Variants in CSK observed in about 807,000 individuals in gnomAD.
The protein encoded by CSK is tyrosine-protein kinase CSK.
Under a neutral mutation model 62.3 loss-of-function variants are expected in CSK, and 7 were observed. That is an observed-to-expected ratio of 0.11 (90% CI 0.06 to 0.21). The LOEUF (loss-of-function observed/expected upper bound fraction) is 0.21, where lower values mean the gene tolerates loss of function less well. Among genes scored for constraint, CSK ranks in the 10% least tolerant of loss-of-function variants. CSK has a pLI of 1.00. For missense variants in CSK, 294 were observed against 613.5 expected, an observed-to-expected ratio of 0.48 and a Z score of 5.50; for synonymous variants, 237 against 246.0, an observed-to-expected ratio of 0.96 and a Z score of 0.34.
intron 1 of CSK, among the ~76,000 whole-genome samples, chr15:74,797,606 CT>C (rs2141818364): frequency 6.6e-6 from 1 of 152,288 alleles, no homozygotes; most frequent in East Asian, 1.9e-4. Context: ...TTGGTGTTTA[CT>C]GCTGTACGTA....
At chr15:74,800,328 G>A in intron 5 of CSK, 84 bp from the exon 6 acceptor site, 1 of 1,263,690 alleles carries the variant, frequency 7.9e-7, no homozygotes. Flanking sequence ...GCTGGCCTCT[G>A]CCGCCCTCTG....
At chr15:74,788,365 G>A (rs563349292) in intron 1 of CSK, among the ~76,000 whole-genome samples, 1 of 152,304 alleles carries the variant, frequency 6.6e-6, no homozygotes, top group Non-Finnish European at 1.5e-5. Flanking sequence ...ACAAGGAAAG[G>A]TGGGAAGAAA....
intron 1 of CSK, among the ~76,000 whole-genome samples, chr15:74,789,274 C>T (rs1217292785): frequency 3.9e-5 from 6 of 152,214 alleles, no homozygotes; most frequent in Non-Finnish European, 2.9e-5. Flanking sequence ...TCCTTCGTAA[C>T]CGCCCCGGGA....
rs2063441466 is a variant in CSK, at chr15:74,782,085, C to G, written c.-701C>G. ...GGCGCGCTGCCGCGGGCGGAGGATC[C>G]GGGCCGCGCTTCCTCTCGCCAGGCC... On this transcript the variant is annotated 5_prime_UTR_variant, in exon 1 of 13. Coordinates refer to ENST00000220003, the MANE Select transcript of CSK (RefSeq NM_004383.3). This position sits in a 1 kb window ranked among gnomAD's most constrained non-coding sequence, Gnocchi z 5.7. 1 of 147,706 alleles carries G rather than the reference C, an allele frequency of 6.8e-6. No individual in the cohort carries two copies. Among genetic ancestry groups the G allele is most frequent in the Non-Finnish European group, 1.5e-5 (1 of 66,040 alleles). 9.1% of individuals were successfully genotyped at this position (147,706 alleles called of 1,614,324 possible).
At chr15:74,786,217 C>T (rs2141776690) in intron 1 of CSK, among the ~76,000 whole-genome samples, 1 of 151,998 alleles carries the variant, frequency 6.6e-6, no homozygotes, top group Non-Finnish European at 1.5e-5. Context: ...GATGGGGTTT[C>T]TCCGTGTTGG....
At position 74,801,865 on chromosome 15, in the gene CSK, C is replaced by G; in HGVS notation, c.1058C>G (p.Thr353Arg). The G allele has an allele frequency of 6.2e-7, 1 of 1,613,262 alleles. No homozygotes were observed. The highest frequency in any genetic ancestry group is 8.5e-7 in the Non-Finnish European group (1 of 1,179,570). Residue 353 changes from threonine (T) to arginine (R), a missense_variant, in exon 11 of 13, where the codon ACA becomes AGA. Thr to Arg is a moderately conservative substitution (Grantham distance 71). Transcript: ENST00000220003. ...QDTGKLPVKW[T>R]APEALREKKF... ...ACGGGCAAGCTGCCAGTCAAGTGGA[C>G]AGCCCCTGAGGCCCTGAGAGAGAAG... is the stretch of plus-strand genomic sequence containing the variant.
intron 1 of CSK, among the ~76,000 whole-genome samples, chr15:74,789,798 G>A (rs1352313356): frequency 6.6e-6 from 1 of 152,134 alleles, no homozygotes; most frequent in East Asian, 1.9e-4. Context: ...GCCTTCCCGG[G>A]TGGCCCCTGT....
intron 1 of CSK, among the ~76,000 whole-genome samples, chr15:74,789,444 A>G (rs2063583098): frequency 6.6e-6 from 1 of 152,210 alleles, no homozygotes; most frequent in Non-Finnish European, 1.5e-5. Context: ...GGAATGTCAC[A>G]GTGCCTCAGC....
At chr15:74,797,761 G>A (rs896341581) in intron 1 of CSK, among the ~76,000 whole-genome samples, 2 of 151,946 alleles carry the variant, frequency 1.3e-5, no homozygotes, top group Non-Finnish European at 2.9e-5. Flanking sequence ...GTGTCCTCTC[G>A]GTGTGTACCT....
Position 74,802,056 on chromosome 15 carries a change from C to T in CSK, c.1143C>T (p.Ser381=). The T allele has an allele frequency of 6.2e-7, 1 of 1,614,104 alleles. No homozygotes were observed. The highest frequency in any genetic ancestry group is 1.1e-5 in the South Asian group (1 of 91,084). The change falls in exon 12 of 13, where the codon TCC becomes TCT. Residue 381 remains serine, a synonymous_variant. Coordinates refer to ENST00000220003, the MANE Select transcript of CSK (RefSeq NM_004383.3). ...GAATCCTTCTCTGGGAAATCTACTC[C>T]TTTGGGCGAGTGCCTTATCCAAGAA... is the stretch of plus-strand genomic sequence containing the variant. ...SFGILLWEIY[S]FGRVPYPRIP...
At chr15:74,786,013 T>TG (rs1555464576) in intron 1 of CSK, among the ~76,000 whole-genome samples, 33 of 47,844 alleles carry the variant, frequency 6.9e-4, no homozygotes, top group South Asian at 3.1e-3. Context: ...TTTTTTTTTT[T>TG]TGTGTGTGTG....
At chr15:74,783,553 A>G (rs2063470004) in intron 1 of CSK, among the ~76,000 whole-genome samples, 3 of 152,162 alleles carry the variant, frequency 2.0e-5, no homozygotes, top group Admixed American at 2.0e-4. Context: ...CCCCAGCTAT[A>G]CAGGGCTGGA....
At position 74,802,753 on chromosome 15, in the gene CSK, C is replaced by T. The variant is rs1339413387; in HGVS notation, c.*240C>T. The T allele has an allele frequency of 2.1e-6, 1 of 467,308 alleles. No individual in the cohort carries two copies. The highest frequency in any genetic ancestry group is 3.8e-5 in the East Asian group (1 of 26,538). 28.9% of individuals were successfully genotyped at this position (467,308 alleles called of 1,614,324 possible). ...CCACGGAGCGGGAGGCAGCGCCCCA[C>T]CACGTCGGGCTTCCCTGGCCTCCCG... On this transcript the variant is annotated 3_prime_UTR_variant, in exon 13 of 13. Transcript: ENST00000220003.
chr15:74,801,509 T>A lies in CSK; in HGVS notation c.814-13T>A. ...CGTCTGACCTCGGCCTGGTCTGTCCTTCCTGCCCCCAGGGGAGCCTTGTGG... is the reference window on the plus strand; with the variant it reads ...CGTCTGACCTCGGCCTGGTCTGTCCATCCTGCCCCCAGGGGAGCCTTGTGG... On this transcript the variant is annotated splice_polypyrimidine_tract_variant and intron_variant, in intron 9 of 12. Transcript: ENST00000220003. The A allele has an allele frequency of 6.2e-7, 1 of 1,609,818 alleles. No individual in the cohort carries two copies. Among genetic ancestry groups the A allele is most frequent in the Non-Finnish European group, 8.5e-7 (1 of 1,177,406 alleles).
chr15:74,794,062 G>T (rs2063665876), intron 1 of CSK, among the ~76,000 whole-genome samples: 1 of 152,088 alleles, frequency 6.6e-6, no homozygotes, highest in African/African-American at 2.4e-5. Flanking sequence ...GGGTAAGAGG[G>T]TTAGAAGAGC....
At position 74,782,971 on chromosome 15, in the gene CSK, G is replaced by T. The variant is rs1019727737; in HGVS notation, c.-66+251G>T. On this transcript the variant is annotated intron_variant, in intron 1 of 12. Coordinates refer to ENST00000220003, the MANE Select transcript of CSK (RefSeq NM_004383.3). This position sits in a 1 kb window ranked among gnomAD's most constrained non-coding sequence, Gnocchi z 5.7. The stretch of plus-strand genomic sequence containing the variant: ...GACTCGTCTTCTCGGGTCATCCCGA[G>T]TCCCCCCCTCTGTGGAGCTCAGAGT... Among the ~76,000 whole-genome samples the T allele has an allele frequency of 2.6e-5, 4 of 152,242 alleles. No homozygotes were observed. The highest frequency in any genetic ancestry group is 5.9e-5 in the Non-Finnish European group (4 of 68,044).
In CSK at chr15:74,800,673, C is replaced by T. The variant is rs2063776597; in HGVS notation, c.557-8C>T. ...GGCCTCCAGGCCCTCACTGGCCCCT[C>T]CCCACAGGCGGCTGGGCCCTGAACA... is the stretch of plus-strand genomic sequence containing the variant. On this transcript the variant is annotated splice_polypyrimidine_tract_variant and splice_region_variant and intron_variant, in intron 6 of 12. Transcript: ENST00000220003. 2 of 1,544,834 alleles carry T rather than the reference C, an allele frequency of 1.3e-6. No homozygotes were observed. Among genetic ancestry groups the T allele is most frequent in the East Asian group, 2.4e-5 (1 of 41,092 alleles).
chr15:74,799,483 C>T lies in CSK; in HGVS notation c.454C>T (p.Leu152=). The T allele has an allele frequency of 1.2e-6, 2 of 1,612,742 alleles. No homozygotes were observed. Among genetic ancestry groups the T allele is most frequent in the South Asian group, 2.2e-5 (2 of 90,970 alleles). The change falls in exon 5 of 13, where the codon CTG becomes TTG. Residue 152 remains leucine (L), a synonymous_variant. Coordinates refer to ENST00000220003, the MANE Select transcript of CSK (RefSeq NM_004383.3). ...EEVYFENLMQ[L]VEHYTSDADG... ...GGTGTACTTTGAGAACCTCATGCAG[C>T]TGGTGGAGGTGAGCTGGGGGGTACA...
chr15:74,792,663 C>G (rs2063640982), intron 1 of CSK, among the ~76,000 whole-genome samples: 1 of 152,236 alleles, frequency 6.6e-6, no homozygotes. Flanking sequence ...CAGCCTCTGA[C>G]CTGCAGTGGG....
Sources: allele counts gnomAD v4.1 joint callset (sites outside exome capture counted in the v4.1 genomes callset), GRCh38; gene constraint gnomAD v4.1.1; non-coding constraint Gnocchi (gnomAD v3.1); transcripts MANE v1.5; gene names NCBI Gene and HGNC (gene_info 2026-07-23, HGNC 2026-07-21).